Variants in NTN1 observed in about 807,000 individuals in gnomAD.
The protein encoded by NTN1 is netrin-1.
In NTN1, 11 loss-of-function variants were observed where a neutral mutation model predicts 54.2. That is an observed-to-expected ratio of 0.20 (90% CI 0.13 to 0.34). NTN1 has a LOEUF of 0.34. Among genes scored for constraint, NTN1 ranks in the 10% least tolerant of loss-of-function variants. NTN1 has a pLI of 1.00. For missense variants in NTN1, 740 were observed against 893.1 expected (o/e 0.83, Z 2.18); for synonymous variants, 371 against 382.0 (o/e 0.97, Z 0.33).
At chr17:9,163,336 C>T (rs576989293) in intron 3 of NTN1, among the ~76,000 whole-genome samples, 1 of 152,160 alleles carries the variant, frequency 6.6e-6, no homozygotes, top group Non-Finnish European at 1.5e-5. Context: ...TGGGCTTCTC[C>T]TCTGCACAGG....
chr17:9,214,966 T>A (rs1905184330), intron 5 of NTN1, among the ~76,000 whole-genome samples: 1 of 152,240 alleles, frequency 6.6e-6, no homozygotes, highest in Non-Finnish European at 1.5e-5. Flanking sequence ...TTTATCATAA[T>A]TGCTTTTTAT....
chr17:9,200,701 CTTCA>C (rs1431579657), intron 5 of NTN1, among the ~76,000 whole-genome samples: 6 of 152,338 alleles, frequency 3.9e-5, no homozygotes, highest in Non-Finnish European at 7.3e-5. Context: ...TTCATTTTCT[CTTCA>C]TTCATTCATC....
chr17:9,182,827 CTG>C (rs1338832061), intron 4 of NTN1, 87 bp from the exon 5 acceptor site: 10 of 1,322,582 alleles, frequency 7.6e-6, no homozygotes, highest in African/African-American at 7.2e-5. Context: ...TGGGAGGAGT[CTG>C]TGCTGGGCTC....
intron 2 of NTN1, among the ~76,000 whole-genome samples, chr17:9,156,864 A>T (rs532290711): frequency 3.3e-5 from 5 of 152,074 alleles, no homozygotes; most frequent in Non-Finnish European, 7.4e-5. Context: ...AACTGTCTCT[A>T]TACATACCCG....
intron 2 of NTN1, among the ~76,000 whole-genome samples, chr17:9,024,738 G>C (rs2091864502): frequency 6.6e-6 from 1 of 152,234 alleles, no homozygotes; most frequent in Admixed American, 6.5e-5. Context: ...CCTGTTGCAA[G>C]GGAGGCCTCC....
At chr17:9,227,822 TAC>T (rs58124343) in intron 6 of NTN1, among the ~76,000 whole-genome samples, 2 of 150,292 alleles carry the variant, frequency 1.3e-5, no homozygotes, top group African/African-American at 4.9e-5. Context: ...CCCACACTAT[TAC>T]ACACATACCA....
intron 2 of NTN1, among the ~76,000 whole-genome samples, chr17:9,051,631 A>G (rs976931372): frequency 2.0e-5 from 3 of 152,262 alleles, no homozygotes; most frequent in African/African-American, 7.2e-5. Context: ...TTGTGAAATC[A>G]TGACCACAAT....
chr17:9,161,818 G>C (rs896348812), intron 2 of NTN1, among the ~76,000 whole-genome samples: 2 of 152,178 alleles, frequency 1.3e-5, no homozygotes, highest in African/African-American at 4.8e-5. Context: ...TGCTTCTGCT[G>C]ATCATGCTGA....
intron 6 of NTN1, among the ~76,000 whole-genome samples, chr17:9,237,226 C>T (rs1254728955): frequency 1.3e-5 from 2 of 152,184 alleles, no homozygotes; most frequent in Non-Finnish European, 1.5e-5. Context: ...GGTAGGGTTG[C>T]TTTCCTCCAA....
chr17:9,140,844 G>C (rs1028654667), intron 2 of NTN1, among the ~76,000 whole-genome samples: 15 of 152,294 alleles, frequency 9.8e-5, no homozygotes, highest in African/African-American at 3.6e-4. Flanking sequence ...TGTGACCCCT[G>C]TGCCAGTCTA....
intron 2 of NTN1, among the ~76,000 whole-genome samples, chr17:9,121,583 C>T (rs545108739): frequency 7.2e-5 from 11 of 152,280 alleles, no homozygotes; most frequent in Non-Finnish European, 1.3e-4. Flanking sequence ...GCAGAGGCCC[C>T]GCTGCCTCTC....
chr17:9,121,438 C>G (rs962348433), intron 2 of NTN1, among the ~76,000 whole-genome samples: 3 of 152,126 alleles, frequency 2.0e-5, no homozygotes, highest in Non-Finnish European at 4.4e-5. Context: ...CTGCCCAATG[C>G]GTGCTTCCCC....
intron 2 of NTN1, among the ~76,000 whole-genome samples, chr17:9,093,067 G>A (rs1225288614): frequency 1.3e-5 from 2 of 152,014 alleles, no homozygotes; most frequent in African/African-American, 4.8e-5. Flanking sequence ...CAATTTTTGT[G>A]TTTTTAGTAG....
chr17:9,148,435 G>A (rs191089412), intron 2 of NTN1, among the ~76,000 whole-genome samples: 2 of 151,832 alleles, frequency 1.3e-5, no homozygotes, highest in South Asian at 2.1e-4. Flanking sequence ...TAAAGTGGCT[G>A]TTGATAAAAA....
At chr17:9,108,936 G>A (rs957386420) in intron 2 of NTN1, among the ~76,000 whole-genome samples, 11 of 151,992 alleles carry the variant, frequency 7.2e-5, no homozygotes, top group Non-Finnish European at 1.5e-4. Context: ...GAGTGCAGTG[G>A]TGTGATCTCG....
chr17:9,053,517 C>T (rs554175142), intron 2 of NTN1, among the ~76,000 whole-genome samples: 10 of 152,254 alleles, frequency 6.6e-5, no homozygotes, highest in East Asian at 1.9e-4. Context: ...CCCCTGTGGA[C>T]GTTGCTGTAG....
chr17:9,019,227 A>C (rs1460873059), upstream of NTN1, among the ~76,000 whole-genome samples: 2 of 152,264 alleles, frequency 1.3e-5, no homozygotes, highest in African/African-American at 4.8e-5. Flanking sequence ...AGAGCATACA[A>C]GCAAAGATAA....
At chr17:9,138,348 G>A (rs1227409284) in intron 2 of NTN1, among the ~76,000 whole-genome samples, 2 of 152,162 alleles carry the variant, frequency 1.3e-5, no homozygotes, top group Non-Finnish European at 1.5e-5. Flanking sequence ...GGCCCCGTCT[G>A]GCCAGATCAC....
intron 5 of NTN1, among the ~76,000 whole-genome samples, chr17:9,208,562 C>G (rs1905025658): frequency 6.6e-6 from 1 of 152,090 alleles, no homozygotes; most frequent in South Asian, 2.1e-4. Flanking sequence ...TTTTCTTGTG[C>G]CTGGGGCTGA....
Sources: gnomAD v4.1 joint callset for allele counts (sites outside exome capture counted in the v4.1 genomes callset) on GRCh38, gnomAD v4.1.1 for gene constraint, MANE v1.5 for transcripts, NCBI Gene and HGNC (gene_info 2026-07-23, HGNC 2026-07-21) for gene names.